Variants in COL4A4 observed in about 807,000 individuals in gnomAD.
The protein encoded by COL4A4 is collagen type IV alpha 4 chain, also known as collagen alpha-4(IV) chain.
COL4A4 carries 105 observed loss-of-function variants against 192.9 expected under a neutral mutation model. The observed-to-expected ratio is 0.54, with a 90% CI of 0.46 to 0.64. The LOEUF (loss-of-function observed/expected upper bound fraction) is 0.64. COL4A4 is among the 30% of genes least tolerant of loss of function. The pLI is 0.00. For synonymous variants in COL4A4, 762 were observed against 769.9 expected (o/e 0.99, Z 0.17); for missense variants, 1,967 against 2,169.3 (o/e 0.91, Z 1.85).
chr2:226,995,059 G>C, the COL4A4 span, among the ~76,000 whole-genome samples: 149 of 152,096 alleles, frequency 9.8e-4, no homozygotes, highest in African/African-American at 3.5e-3. Flanking sequence ...CTAGTTGGTG[G>C]GGAAGTTAGT....
intron 8 of COL4A4, among the ~76,000 whole-genome samples, chr2:227,113,391 A>G (rs1210653510): frequency 6.6e-6 from 1 of 152,192 alleles, no homozygotes; most frequent in African/African-American, 2.4e-5. Flanking sequence ...CTATATTTGT[A>G]TGTCACATGT....
At chr2:227,072,807 A>ATCATC (rs2058798762) in intron 25 of COL4A4, among the ~76,000 whole-genome samples, 1 of 151,896 alleles carries the variant, frequency 6.6e-6, no homozygotes, top group Non-Finnish European at 1.5e-5. Context: ...AAACCACATG[A>ATCATC]TCAATAGATG....
intron 44 of COL4A4, among the ~76,000 whole-genome samples, chr2:227,019,333 T>A (rs538750582): frequency 6.6e-6 from 1 of 152,236 alleles, no homozygotes; most frequent in Admixed American, 6.5e-5. Context: ...TGAATATGTA[T>A]GCAACTATTT....
At position 227,144,556 on chromosome 2, in the gene COL4A4, G is replaced by C; in HGVS notation, c.74C>G (p.Ser25Ter). The change falls in exon 3 of 48, where the codon TCA (serine) becomes TGA (stop). Residue 25 changes from serine (S) to a stop codon, truncating the protein, a stop_gained and splice_region_variant. Transcript: ENST00000396625. LOFTEE classifies it high-confidence loss of function. The part of the protein sequence containing the change: ...LTKSLATGPW[S>*]LILILFSVQY... Reference sequence around the variant, plus strand: ...TACAGAAAAGAGAATGAGTATAAGTGACCTACAGAAAAACAAAAACGCAGA... The same window carrying C: ...TACAGAAAAGAGAATGAGTATAAGTCACCTACAGAAAAACAAAAACGCAGA... 2 of 1,605,992 alleles carry C rather than the reference G, an allele frequency of 1.2e-6. No homozygotes were observed. The highest frequency in any genetic ancestry group is 1.7e-6 in the Non-Finnish European group (2 of 1,172,892).
Position 227,094,074 on chromosome 2 carries a change from A to G in COL4A4, c.1369+51T>C, listed in dbSNP as rs760134359. 3 of 1,531,088 alleles carry G rather than the reference A, an allele frequency of 2.0e-6. No individual in the cohort carries two copies. The East Asian group carries it at 6.7e-5, about 34-fold the overall frequency. The allele number at this position is 1,531,088 out of a possible 1,614,324, so 94.8% of individuals were successfully genotyped here. A position where few individuals can be genotyped will look rare whatever the true frequency, so the allele number is the denominator to read the frequency against. On this transcript the variant is annotated intron_variant, in intron 20 of 47. Transcript: ENST00000396625. ...ACTATGCTTTCTTAGTGGCACTGCA[A>G]ATATCAAAAGCAGCATAAATGCTAA...
intron 43 of COL4A4, among the ~76,000 whole-genome samples, chr2:227,022,993 T>C (rs1407742355): frequency 6.6e-6 from 1 of 152,130 alleles, no homozygotes; most frequent in African/African-American, 2.4e-5. Context: ...GAAAGCACAG[T>C]TGGAAAGCTA....
At chr2:227,128,366 A>G (rs753393252) in intron 4 of COL4A4, among the ~76,000 whole-genome samples, 5 of 152,230 alleles carry the variant, frequency 3.3e-5, no homozygotes, top group Non-Finnish European at 7.3e-5. Context: ...TCTTTAGGAC[A>G]CAATGTTATT....
chr2:227,041,134 T>C (rs965075626), intron 37 of COL4A4, among the ~76,000 whole-genome samples: 8 of 152,184 alleles, frequency 5.3e-5, no homozygotes, highest in Admixed American at 1.3e-4. Context: ...CCACTTATCA[T>C]GATCAGTAAA....
chr2:227,064,549 C>A lies in COL4A4; in HGVS notation c.1988-1951G>T, dbSNP rs116696018. 5.7e-3 allele frequency among the ~76,000 whole-genome samples: 872 copies of A among 152,302 alleles called. 5 individuals are homozygous for A. Among genetic ancestry groups the A allele is most frequent in the African/African-American group, 0.02 (837 of 41,568 alleles). Reference sequence around the variant, plus strand: ...AAGCTTAAAGAACTCCTGGGAAATTCATTGCAAAAAGACCTTCACCAAGCC... The same window carrying A: ...AAGCTTAAAGAACTCCTGGGAAATTAATTGCAAAAAGACCTTCACCAAGCC... On this transcript the variant is annotated intron_variant, in intron 25 of 47. Transcript: ENST00000396625.
intron 4 of COL4A4, among the ~76,000 whole-genome samples, chr2:227,132,249 G>A (rs1364186189): frequency 1.3e-5 from 2 of 152,122 alleles, no homozygotes; most frequent in African/African-American, 4.8e-5. Flanking sequence ...GATGTGACTT[G>A]AGCACCTCAA....
chr2:227,135,466 C>T (rs889664026), intron 4 of COL4A4, among the ~76,000 whole-genome samples: 19 of 152,284 alleles, frequency 1.2e-4, no homozygotes, highest in African/African-American at 3.9e-4. Context: ...TGTGAGATTA[C>T]TCATTTCCTA....
At chr2:227,035,006 A>G (rs1043657048) in intron 37 of COL4A4, among the ~76,000 whole-genome samples, 4 of 151,876 alleles carry the variant, frequency 2.6e-5, no homozygotes, top group African/African-American at 7.3e-5. Flanking sequence ...GGATAAAAAT[A>G]CCATCAGCTT....
At chr2:227,081,177 T>C (rs1306536142) in intron 23 of COL4A4, among the ~76,000 whole-genome samples, 1 of 152,126 alleles carries the variant, frequency 6.6e-6, no homozygotes, top group Non-Finnish European at 1.5e-5. Flanking sequence ...GGGTTGTTGT[T>C]GGGTGTGTCT....
At chr2:226,996,079 C>T in the COL4A4 span, 1 of 157,208 alleles carries the variant, frequency 6.4e-6, no homozygotes, top group Non-Finnish European at 1.4e-5. Context: ...CTGGTGTTTG[C>T]AGGGCTTTCG....
chr2:227,012,749 G>T (rs1367919920), intron 44 of COL4A4, among the ~76,000 whole-genome samples: 1 of 151,920 alleles, frequency 6.6e-6, no homozygotes, highest in South Asian at 2.1e-4. Flanking sequence ...GGTTTCATTT[G>T]GGGTCACGTT....
chr2:227,082,377 A>G (rs1211016277), intron 22 of COL4A4, among the ~76,000 whole-genome samples, 190 bp from the exon 23 acceptor site: 1 of 152,180 alleles, frequency 6.6e-6, no homozygotes, highest in Non-Finnish European at 1.5e-5. Flanking sequence ...CTCTTGAACT[A>G]CATGTCAAAT....
chr2:226,986,755 T>G, the COL4A4 span, among the ~76,000 whole-genome samples: 3 of 152,200 alleles, frequency 2.0e-5, no homozygotes, highest in Non-Finnish European at 4.4e-5. Flanking sequence ...GTTCAACCAT[T>G]GTGGAAGATA....
At chr2:227,118,876 T>C in intron 6 of COL4A4, 115 bp from the exon 7 acceptor site, 1 of 764,702 alleles carries the variant, frequency 1.3e-6, no homozygotes, top group African/African-American at 1.7e-5. Flanking sequence ...TACTGTTTAG[T>C]TTTGTGAAAC....
At chr2:227,089,737 T>C (rs1254255662) in intron 21 of COL4A4, 131 bp downstream of exon 21, 2 of 742,702 alleles carry the variant, frequency 2.7e-6, no homozygotes, top group Admixed American at 2.0e-5. Flanking sequence ...TAGCACTTAA[T>C]GGAGTACTCT....
Sources: gnomAD v4.1 joint callset for allele counts (sites outside exome capture counted in the v4.1 genomes callset) on GRCh38, gnomAD v4.1.1 for gene constraint, MANE v1.5 for transcripts, NCBI Gene and HGNC (gene_info 2026-07-23, HGNC 2026-07-21) for gene names.